The following ERCC3 variants were observed in gnomAD, a reference collection of about 807,000 sequenced individuals.
ERCC3 encodes general transcription and DNA repair factor IIH helicase/translocase subunit XPB.
Under a neutral mutation model 94.2 loss-of-function variants are expected in ERCC3, and 66 were observed. The observed-to-expected ratio is 0.70, with a 90% CI of 0.57 to 0.86. The LOEUF is 0.86. ERCC3 is among the 40% of genes least tolerant of loss of function. The pLI is 0.00. For missense variants in ERCC3, 829 were observed against 987.1 expected (o/e 0.84, Z 2.15); for synonymous variants, 349 against 369.1 (o/e 0.95, Z 0.63).
In ERCC3 at chr2:127,289,358, T is replaced by C. The variant is rs761043998; in HGVS notation, c.801A>G (p.Thr267=). The C allele has an allele frequency of 3.8e-5, 61 of 1,613,618 alleles. 2 individuals carry two copies. The South Asian group carries it at 5.2e-4, about 14-fold the overall frequency. ...TAACCTGCTTGACTTCAAAAGACAC[T>C]GTCTGTGTCTCTTCTTCTTCTTCTT... is the stretch of plus-strand genomic sequence containing the variant. ...KDEEEEEETQ[T]VSFEVKQEMI... is the part of the protein sequence containing the mutation. The change falls in exon 6 of 15, where the codon ACA becomes ACG. Residue 267 remains threonine (T), a synonymous_variant. Coordinates refer to ENST00000285398, the MANE Select transcript of ERCC3 (RefSeq NM_000122.2).
rs1336885905 is a variant in ERCC3, at chr2:127,272,850, A to G, written c.1827+15T>C. The G allele has an allele frequency of 2.5e-6, 4 of 1,578,054 alleles. No homozygotes were observed. The South Asian group carries it at 4.4e-5, about 17-fold the overall frequency. The stretch of plus-strand genomic sequence containing the variant: ...GTGCTAGGGGCCTCACCTCCACCCC[A>G]TATGCCACACAAACCTTGGATATGA... On this transcript the variant is annotated intron_variant, in intron 11 of 14. Coordinates refer to ENST00000285398, the MANE Select transcript of ERCC3 (RefSeq NM_000122.2).
chr2:127,288,682 C>T lies in ERCC3; in HGVS notation c.1005G>A (p.Ser335=), dbSNP rs375184289. The T allele has an allele frequency of 2.9e-5, 46 of 1,613,964 alleles. No individual in the cohort carries two copies. The highest frequency in any genetic ancestry group is 3.3e-4 in the Middle Eastern group (2 of 6,084). The change falls in exon 7 of 15, where the codon TCG becomes TCA. Residue 335 remains serine, a synonymous_variant. Coordinates refer to ENST00000285398, the MANE Select transcript of ERCC3 (RefSeq NM_000122.2). ...TACCGCAGGGAAGAACAATGACCCC[C>T]GAACGTGCACGCCCGTTTCCAAACA... ...RKMFGNGRAR[S]GVIVLPCGAG...
chr2:127,280,571 G>A lies in ERCC3; in HGVS notation c.1403C>T (p.Ala468Val), dbSNP rs144012336. ...VQAHCKLGLT[A>V]TLVREDDKIV... is the part of the protein sequence containing the mutation. ...TTTGTCATCTTCGCGGACGAGGGTC[G>A]CAGTCAAACCCAGCTTACAGTGGGC... The change falls in exon 9 of 15, where the codon GCG becomes GTG. Residue 468 changes from alanine to valine, a missense_variant. By Grantham distance (64) the Ala-to-Val change is moderately conservative (BLOSUM62 0). Transcript: ENST00000285398. The surrounding 1 kb of genome is among the most constrained non-coding windows in gnomAD (Gnocchi z 6.3). 8 of 1,613,996 alleles carry A rather than the reference G, an allele frequency of 5.0e-6. No homozygotes were observed. Among genetic ancestry groups the A allele is most frequent in the Non-Finnish European group, 5.1e-6 (6 of 1,179,998 alleles).
chr2:127,288,817 A>T lies in ERCC3; in HGVS notation c.870T>A (p.Pro290=). Residue 290 remains proline (P), a synonymous_variant, in exon 7 of 15, where the codon CCT becomes CCA. Transcript: ENST00000285398. ...LQKRCIHLEY[P]LLAEYDFRND... is the part of the protein sequence containing the mutation. ...TCCGGAAGTCATATTCTGCCAACAG[A>T]GGGTACTCCAGGTGGATGCAACGTT... The T allele has an allele frequency of 6.2e-7, 1 of 1,614,094 alleles. No homozygotes were observed. The highest frequency in any genetic ancestry group is 8.5e-7 in the Non-Finnish European group (1 of 1,179,976).
At chr2:127,281,769 A>G (rs1684921622) in intron 8 of ERCC3, among the ~76,000 whole-genome samples, 1 of 148,788 alleles carries the variant, frequency 6.7e-6, no homozygotes, top group African/African-American at 2.5e-5. Context: ...ACACACACAA[A>G]CACACACACA....
intron 8 of ERCC3, among the ~76,000 whole-genome samples, chr2:127,285,857 AAAAAG>A (rs1685048851): frequency 6.6e-6 from 1 of 152,180 alleles, no homozygotes; most frequent in African/African-American, 2.4e-5. Context: ...TCTCAAAAAA[AAAAAG>A]AAAAGAAAAC....
rs1400311058 is a variant in ERCC3 at position 127,277,186 on chromosome 2, C to G, written c.1730+1987G>C. Among the ~76,000 whole-genome samples, 2 of 152,128 alleles carry G rather than the reference C, an allele frequency of 1.3e-5. No individual in the cohort carries two copies. The highest frequency in any genetic ancestry group is 4.8e-5 in the African/African-American group (2 of 41,416). ...AGCTGGTGGTGTCTCTAGTCCTAGA[C>G]AGCAAGCAGGCCAGAACAGAGTAAG... On this transcript the variant is annotated intron_variant, in intron 10 of 14. Transcript: ENST00000285398. The surrounding 1 kb of genome is among the most constrained non-coding windows in gnomAD (Gnocchi z 5.1).
In ERCC3 at chr2:127,293,646, G is replaced by A; in HGVS notation, c.101C>T (p.Pro34Leu). The A allele has an allele frequency of 6.2e-7, 1 of 1,614,150 alleles. No individual in the cohort carries two copies. The highest frequency in any genetic ancestry group is 1.1e-5 in the South Asian group (1 of 91,082). ...DDEEDAPGND[P>L]QEAVPSAAGK... The stretch of plus-strand genomic sequence containing the variant: ...CGCCGCCGAGGGAACCGCTTCCTGA[G>A]GGTCGTTCCCCGGGGCGTCCTCTTC... Residue 34 changes from proline (P) to leucine (L), a missense_variant, in exon 2 of 15, where the codon CCT (proline) becomes CTT (leucine). Physicochemically the swap from Pro to Leu is moderately conservative, Grantham distance 98. Transcript: ENST00000285398.
chr2:127,270,640 T>C (rs906855155), intron 12 of ERCC3, among the ~76,000 whole-genome samples: 4 of 152,228 alleles, frequency 2.6e-5, no homozygotes, highest in Non-Finnish European at 5.9e-5. Context: ...AGCAGACTCC[T>C]TGAGGATAGG....
At position 127,280,033 on chromosome 2, in the gene ERCC3, C is replaced by T. The variant is rs1684858950; in HGVS notation, c.1527+414G>A. On this transcript the variant is annotated intron_variant, in intron 9 of 14. Coordinates refer to ENST00000285398, the MANE Select transcript of ERCC3 (RefSeq NM_000122.2). The surrounding 1 kb of genome is among the most constrained non-coding windows in gnomAD (Gnocchi z 6.3). ...GCACTGCTACTGAGTACCGCCACCT[C>T]TTCACACACTTCCCAGCAGGGCTGG... Among the ~76,000 whole-genome samples, 1 of 152,214 alleles carries T rather than the reference C, an allele frequency of 6.6e-6. No homozygotes were observed. The highest frequency in any genetic ancestry group is 6.5e-5 in the Admixed American group (1 of 15,294).
In ERCC3 at chr2:127,272,101, C is replaced by A. The variant is rs145311879; in HGVS notation, c.1828-648G>T. ...CGGCACAATCTCAGCTCCACTGCAA[C>A]CTCCACCTCCCGGGTTCAAGTGACT... On this transcript the variant is annotated intron_variant, in intron 11 of 14. Transcript: ENST00000285398. Among the ~76,000 whole-genome samples the A allele has an allele frequency of 5.8e-3, 857 of 148,762 alleles. 7 individuals are homozygous for A. The highest frequency in any genetic ancestry group is 0.02 in the African/African-American group (812 of 39,848).
At chr2:127,273,497 C>T (rs1558953561) in intron 10 of ERCC3, among the ~76,000 whole-genome samples, 1 of 151,600 alleles carries the variant, frequency 6.6e-6, no homozygotes, top group Non-Finnish European at 1.5e-5. Context: ...CGCCTGTAAT[C>T]CCAGCACTTT....
Position 127,280,915 on chromosome 2 carries a change from A to G in ERCC3, c.1343-284T>C. On this transcript the variant is annotated intron_variant, in intron 8 of 14. Transcript: ENST00000285398. This position sits in a 1 kb window ranked among gnomAD's most constrained non-coding sequence, Gnocchi z 6.3. The stretch of plus-strand genomic sequence containing the variant: ...GAACTAACCCTTGGGTTTCAGGACC[A>G]CAGAAGCTGGCTCTAGACAAGAATG... 2.0e-6 allele frequency: 1 copy of G among 508,808 alleles called. No homozygotes were observed. The allele number at this position is 508,808 out of a possible 1,614,324, so 31.5% of individuals were successfully genotyped here.
intron 6 of ERCC3, 111 bp downstream of exon 6, chr2:127,289,226 C>G (rs1011801842): frequency 1.0e-6 from 1 of 955,370 alleles, no homozygotes; most frequent in East Asian, 2.4e-5. Flanking sequence ...ATTCAGGGAC[C>G]AACAGGGACT....
chr2:127,270,310 C>T (rs187757938), intron 12 of ERCC3, among the ~76,000 whole-genome samples: 134 of 152,274 alleles, frequency 8.8e-4, no homozygotes, highest in African/African-American at 3.0e-3. Context: ...TAGGTGTAAG[C>T]CACTGTGCCC....
rs1466840543 is a variant in ERCC3, at chr2:127,271,178, G to C, written c.1945+158C>G. 6.6e-6 allele frequency among the ~76,000 whole-genome samples: 1 copy of C among 152,208 alleles called. No individual in the cohort carries two copies. Among genetic ancestry groups the C allele is most frequent in the East Asian group, 1.9e-4 (1 of 5,190 alleles). ...TCACCCCCAAGGTATGAGAAATAAT[G>C]ATGGGCCATAAGGATCTAGGTCTTT... is the stretch of plus-strand genomic sequence containing the variant. On this transcript the variant is annotated intron_variant, in intron 12 of 14. Coordinates refer to ENST00000285398, the MANE Select transcript of ERCC3 (RefSeq NM_000122.2). The surrounding 1 kb of genome is among the most constrained non-coding windows in gnomAD (Gnocchi z 5.0).
At chr2:127,273,478 G>A (rs576975984) in intron 10 of ERCC3, among the ~76,000 whole-genome samples, 2 of 151,388 alleles carry the variant, frequency 1.3e-5, no homozygotes, top group South Asian at 2.1e-4. Flanking sequence ...TGCCAGGCGC[G>A]GTGGTTCACG....
In ERCC3 at chr2:127,257,510, G is replaced by C; in HGVS notation, c.*86C>G. The C allele has an allele frequency of 6.4e-7, 1 of 1,567,486 alleles. No individual in the cohort carries two copies. The highest frequency in any genetic ancestry group is 8.8e-7 in the Non-Finnish European group (1 of 1,139,712). ...GGCCAACGCTGGAGGGAAGGTCAAA[G>C]AGGTGGAAGGAAAATGTTATGCTGA... On this transcript the variant is annotated 3_prime_UTR_variant, in exon 15 of 15. Transcript: ENST00000285398. The surrounding 1 kb of genome is among the most constrained non-coding windows in gnomAD (Gnocchi z 5.4).
rs774571443 is a variant in ERCC3 at position 127,257,652 on chromosome 2, G to T, written c.2293C>A (p.Arg765=). 2 of 1,614,028 alleles carry T rather than the reference G, an allele frequency of 1.2e-6. No individual in the cohort carries two copies. The highest frequency in any genetic ancestry group is 2.7e-5 in the African/African-American group (2 of 74,912). The change falls in exon 15 of 15, where the codon CGG becomes AGG. Residue 765 remains arginine, a synonymous_variant. Transcript: ENST00000285398. The surrounding 1 kb of genome is among the most constrained non-coding windows in gnomAD (Gnocchi z 5.4). ...ACATGTTTGCTGGGCGCCTTGCTCC[G>T]CGATGAGTGGTACTCCATGTACACA... ...DTVYMEYHSS[R]SKAPSKHVHP...
Sources: gnomAD v4.1 joint callset for allele counts (sites outside exome capture counted in the v4.1 genomes callset) on GRCh38, gnomAD v4.1.1 for gene constraint, Gnocchi (gnomAD v3.1) non-coding constraint, MANE v1.5 for transcripts, NCBI Gene and HGNC (gene_info 2026-07-23, HGNC 2026-07-21) for gene names.